Variants in GOLGA4 observed in about 807,000 individuals in gnomAD.
The protein encoded by GOLGA4 is golgin subfamily A member 4.
A neutral mutation model predicts 265.9 loss-of-function variants in GOLGA4; 169 were observed. The ratio of observed to expected loss-of-function variants is 0.64; its 90% CI spans 0.56 to 0.72. GOLGA4 has a LOEUF of 0.72. GOLGA4 is among the 30% of genes least tolerant of loss of function. GOLGA4 has a pLI of 0.00. For missense variants in GOLGA4, 2,482 were observed against 2,483.4 expected (o/e 1.00, Z 0.01); for synonymous variants, 923 against 855.8 (o/e 1.08, Z -1.37).
intron 17 of GOLGA4, 102 bp downstream of exon 17, chr3:37,335,268 C>T: frequency 1.5e-6 from 1 of 646,586 alleles, no homozygotes; most frequent in South Asian, 2.0e-5. Context: ...CTCATTTAAT[C>T]CTAATGAAAA....
intron 1 of GOLGA4, among the ~76,000 whole-genome samples, chr3:37,249,089 A>G (rs1436184085): frequency 6.6e-6 from 1 of 152,182 alleles, no homozygotes; most frequent in African/African-American, 2.4e-5. Flanking sequence ...GGCTGCCCCC[A>G]TAGTGGCAGC....
At chr3:37,332,392 A>C (rs892414435) in intron 16 of GOLGA4, among the ~76,000 whole-genome samples, 1 of 152,172 alleles carries the variant, frequency 6.6e-6, no homozygotes, top group Non-Finnish European at 1.5e-5. Flanking sequence ...CTGTCATCCC[A>C]ACACTTTGGG....
At chr3:37,309,770 A>C (rs1481071728) in intron 10 of GOLGA4, among the ~76,000 whole-genome samples, 1 of 152,150 alleles carries the variant, frequency 6.6e-6, no homozygotes, top group Non-Finnish European at 1.5e-5. Context: ...ATCCGTTGTG[A>C]TGTATTATTT....
At chr3:37,248,986 T>C (rs1002703254) in intron 1 of GOLGA4, among the ~76,000 whole-genome samples, 3 of 152,204 alleles carry the variant, frequency 2.0e-5, no homozygotes, top group African/African-American at 7.2e-5. Flanking sequence ...TTTCCTGTGG[T>C]CTAGTAGTAC....
intron 6 of GOLGA4, 67 bp downstream of exon 6, chr3:37,295,144 A>C: frequency 1.1e-6 from 1 of 904,216 alleles, no homozygotes; most frequent in South Asian, 1.6e-5. Context: ...TTTGATTTGG[A>C]TATCTGCAAG....
intron 21 of GOLGA4, among the ~76,000 whole-genome samples, chr3:37,354,514 T>C (rs1483388851): frequency 6.6e-6 from 1 of 152,120 alleles, no homozygotes; most frequent in African/African-American, 2.4e-5. Context: ...ATTTATGATC[T>C]TGTTTTGCAA....
intron 9 of GOLGA4, among the ~76,000 whole-genome samples, chr3:37,300,697 T>C (rs1343583036): frequency 6.6e-6 from 1 of 152,184 alleles, no homozygotes; most frequent in Non-Finnish European, 1.5e-5. Context: ...TTTCCAAAAG[T>C]ATTTTAATAT....
rs368873127 is a variant in GOLGA4, at chr3:37,286,057, T to C, written c.521T>C (p.Leu174Pro). ...ATGCTTCAGAGAGAGAAGAAAAAGCTACAAGTAAGTGATTTGTCAACTGCA... is the reference window on the plus strand; with the variant it reads ...ATGCTTCAGAGAGAGAAGAAAAAGCCACAAGTAAGTGATTTGTCAACTGCA... ...YQMLQREKKK[L>P]QGILSQSQDK... The change falls in exon 4 of 24, where the codon CTA becomes CCA. Residue 174 changes from leucine to proline, a missense_variant. Around this residue, in one of 3 missense-constraint regions of GOLGA4, gnomAD observed 1,536 missense variants for 1,483.7 expected, o/e 1.04. Coordinates refer to ENST00000361924, the MANE Select transcript of GOLGA4 (RefSeq NM_002078.5). 6.5e-7 allele frequency: 1 copy of C among 1,545,166 alleles called. No homozygotes were observed. Among genetic ancestry groups the C allele is most frequent in the Non-Finnish European group, 8.9e-7 (1 of 1,124,538 alleles).
intron 16 of GOLGA4, among the ~76,000 whole-genome samples, chr3:37,331,010 G>GAC (rs2096988368): frequency 7.3e-6 from 1 of 136,076 alleles, no homozygotes; most frequent in Non-Finnish European, 1.5e-5. Flanking sequence ...CAGCCTGGGC[G>GAC]ACAGAGTGAG....
At chr3:37,274,696 G>GA (rs146170756) in intron 2 of GOLGA4, among the ~76,000 whole-genome samples, 34 of 147,194 alleles carry the variant, frequency 2.3e-4, no homozygotes, top group South Asian at 8.7e-4. Context: ...CTGTCTCAAG[G>GA]AAAAAAAAAA....
At chr3:37,309,185 G>A (rs2096915932) in intron 10 of GOLGA4, among the ~76,000 whole-genome samples, 1 of 151,742 alleles carries the variant, frequency 6.6e-6, no homozygotes. Flanking sequence ...CTGGGAGGTG[G>A]AGGTTGCAGT....
chr3:37,279,933 A>G (rs973009038), intron 2 of GOLGA4, among the ~76,000 whole-genome samples: 5 of 151,902 alleles, frequency 3.3e-5, no homozygotes, highest in Admixed American at 6.6e-5. Flanking sequence ...TTAAAAAGCC[A>G]TCCTGCAGAA....
intron 2 of GOLGA4, among the ~76,000 whole-genome samples, chr3:37,278,166 T>A (rs2096824593): frequency 6.6e-6 from 1 of 152,086 alleles, no homozygotes. Flanking sequence ...AAAAAGAATA[T>A]TATTAAAGAG....
At chr3:37,256,608 A>G (rs550426848) in intron 2 of GOLGA4, among the ~76,000 whole-genome samples, 1 of 152,272 alleles carries the variant, frequency 6.6e-6, no homozygotes, top group Non-Finnish European at 1.5e-5. Flanking sequence ...CAAATGGCAG[A>G]TCTGTCTATT....
Position 37,337,173 on chromosome 3 carries a change from G to C in GOLGA4, c.6327+10G>C. 2 of 1,349,114 alleles carry C rather than the reference G, an allele frequency of 1.5e-6. No individual in the cohort carries two copies. Among genetic ancestry groups the C allele is most frequent in the Non-Finnish European group, 1.0e-6 (1 of 969,704 alleles). The allele number at this position is 1,349,114 out of a possible 1,614,324, so 83.6% of individuals were successfully genotyped here. The stretch of plus-strand genomic sequence containing the variant: ...AATTATGGAGCTACAGGTAAGGCTA[G>C]TTCTTCTTTTTTTTTTTTTCTTTTT... On this transcript the variant is annotated intron_variant, in intron 18 of 23. Coordinates refer to ENST00000361924, the MANE Select transcript of GOLGA4 (RefSeq NM_002078.5).
intron 2 of GOLGA4, among the ~76,000 whole-genome samples, chr3:37,258,204 A>G (rs766928988): frequency 2.0e-5 from 3 of 146,582 alleles, no homozygotes; most frequent in African/African-American, 5.0e-5. Context: ...TGTATGATAT[A>G]TATAGCATAT....
At chr3:37,257,945 ATATGTATGTATATATG>A (rs2096755092) in intron 2 of GOLGA4, among the ~76,000 whole-genome samples, 1 of 116,604 alleles carries the variant, frequency 8.6e-6, no homozygotes, top group Non-Finnish European at 1.7e-5. Flanking sequence ...ACATACATAT[ATATGTATGTATATATG>A]TATATATACA....
At position 37,278,969 on chromosome 3, in the gene GOLGA4, C is replaced by T. The variant is rs1437001060; in HGVS notation, c.163-2989C>T. ...CTGGGATTACAGATGTCAGCCATCA[C>T]GTCTGGCTTGTTTACCTTTATTTTA... On this transcript the variant is annotated intron_variant, in intron 2 of 23. Transcript: ENST00000361924. 3.3e-5 allele frequency among the ~76,000 whole-genome samples: 5 copies of T among 152,090 alleles called. No individual in the cohort carries two copies. In the East Asian group the frequency reaches 5.8e-4, roughly 18 times the overall value.
intron 10 of GOLGA4, among the ~76,000 whole-genome samples, chr3:37,305,800 T>C (rs1440131508): frequency 6.6e-6 from 1 of 152,226 alleles, no homozygotes; most frequent in Non-Finnish European, 1.5e-5. Context: ...AATTTAATTC[T>C]GATATTGCTG....
Sources: gnomAD v4.1 joint callset for allele counts (sites outside exome capture counted in the v4.1 genomes callset) on GRCh38, gnomAD v4.1.1 for gene constraint, gnomAD v4.1.1 regional missense constraint, MANE v1.5 for transcripts, NCBI Gene and HGNC (gene_info 2026-07-23, HGNC 2026-07-21) for gene names.